LXN: variants seen among roughly 807,000 people sequenced by gnomAD.
The protein encoded by LXN is MUM.
Under a neutral mutation model 29.8 loss-of-function variants are expected in LXN, and 28 were observed. The observed-to-expected ratio is 0.94, with a 90% CI of 0.70 to 1.29. The LOEUF is 1.29. Among genes scored for constraint, LXN ranks in the 50% most tolerant of loss-of-function variants. The pLI, the probability that LXN is intolerant of heterozygous loss-of-function variation, is 0.00. For missense variants in LXN, 227 were observed against 261.7 expected (o/e 0.87, Z 0.92); for synonymous variants, 77 against 89.6 (o/e 0.86, Z 0.80).
intron 2 of LXN, among the ~76,000 whole-genome samples, chr3:158,670,356 G>A (rs1036340588): frequency 2.0e-5 from 3 of 152,192 alleles, no homozygotes; most frequent in Admixed American, 6.5e-5. Context: ...GTGAAAAATA[G>A]AATGAGAAAA....
chr3:158,669,320 C>CA lies in LXN; in HGVS notation c.370+112dup, dbSNP rs565350198. 6.4e-6 allele frequency: 8 copies of CA among 1,251,084 alleles called. No individual in the cohort carries two copies. In the South Asian group the frequency reaches 1.2e-4, roughly 19 times the overall value. 77.5% of individuals were successfully genotyped at this position (1,251,084 alleles called of 1,614,324 possible). On this transcript the variant is annotated intron_variant, in intron 3 of 5. Coordinates refer to ENST00000264265, the MANE Select transcript of LXN (RefSeq NM_020169.4). ...ATTGGATTAGAAATGAGTATTTTTGCAAAAGCCTGTAAGTTTCTAACATAC... is the reference window on the plus strand; with the variant it reads ...ATTGGATTAGAAATGAGTATTTTTGCAAAAAGCCTGTAAGTTTCTAACATAC...
rs1174937066 is a variant in LXN, at chr3:158,672,386, C to T, written c.93G>A (p.Val31=). The change falls in exon 1 of 6, where the codon GTG becomes GTA. Residue 31 remains valine (V), a synonymous_variant. Transcript: ENST00000264265. ...CTTGTTTGACCTTCTGCACCTCAAA[C>T]ACCCTGTGCGGGGTCCCCTGCTGGT... ...INYQQGTPHR[V]FEVQKVKQAS... is the part of the protein sequence containing the mutation. The T allele has an allele frequency of 1.2e-6, 2 of 1,614,104 alleles. No individual in the cohort carries two copies. Among genetic ancestry groups the T allele is most frequent in the African/African-American group, 1.3e-5 (1 of 75,058 alleles).
intron 1 of LXN, 67 bp from the exon 2 acceptor site, chr3:158,671,086 A>G: frequency 7.2e-7 from 1 of 1,383,426 alleles, no homozygotes; most frequent in Non-Finnish European, 9.5e-7. Flanking sequence ...CATTGTTAGA[A>G]GTATGCATCT....
At chr3:158,666,871 A>C in intron 5 of LXN, 127 bp from the exon 6 acceptor site, 1 of 1,440,306 alleles carries the variant, frequency 6.9e-7, no homozygotes, top group Non-Finnish European at 9.4e-7. Context: ...AAATTGCTGC[A>C]ATTATAATAT....
chr3:158,666,968 T>A (rs1057446374), intron 5 of LXN, 44 bp downstream of exon 5: 2 of 1,570,426 alleles, frequency 1.3e-6, no homozygotes, highest in African/African-American at 1.4e-5. Flanking sequence ...ACAAGGAGTC[T>A]CAGTTTTCAG....
In LXN at chr3:158,672,564, G is replaced by A. The variant is rs1176888785; in HGVS notation, c.-86C>T. The A allele has an allele frequency of 1.5e-5, 24 of 1,554,188 alleles. No individual in the cohort carries two copies. Among genetic ancestry groups the A allele is most frequent in the Non-Finnish European group, 1.8e-5 (21 of 1,141,182 alleles). Reference sequence around the variant, plus strand: ...GCGCCGCCCGTCCTGCTTGCTGCTGGGTCCGGTTGCCGAGGCGGAAAAGTC... The same window carrying A: ...GCGCCGCCCGTCCTGCTTGCTGCTGAGTCCGGTTGCCGAGGCGGAAAAGTC... On this transcript the variant is annotated 5_prime_UTR_variant, in exon 1 of 6. Transcript: ENST00000264265.
rs1203852501 is a variant in LXN at position 158,668,890 on chromosome 3, A to G, written c.507+106T>C. ...TCCCCTTTGAAATCCCAGGTTTGCT[A>G]TTAAATACAAAATGACTATAGGAAT... On this transcript the variant is annotated intron_variant, in intron 4 of 5. Transcript: ENST00000264265. 6 of 1,024,044 alleles carry G rather than the reference A, an allele frequency of 5.9e-6. No individual in the cohort carries two copies. In the East Asian group the frequency reaches 1.6e-4, roughly 28 times the overall value. The allele number at this position is 1,024,044 out of a possible 1,614,324, so 63.4% of individuals were successfully genotyped here. A position where few individuals can be genotyped will look rare whatever the true frequency, so the allele number is the denominator to read the frequency against.
chr3:158,669,084 G>T lies in LXN; in HGVS notation c.419C>A (p.Ala140Asp). Reference protein sequence around the residue: ...SPEMTLVLHLAWVACGYIIWQ... With the variant: ...SPEMTLVLHLDWVACGYIIWQ... Reference sequence around the variant, plus strand: ...TATTATATAACCACAGGCAACCCAGGCTAAATGTAGAACGAGCGTCATTTC... The same window carrying T: ...TATTATATAACCACAGGCAACCCAGTCTAAATGTAGAACGAGCGTCATTTC... The change falls in exon 4 of 6, where the codon GCC (alanine) becomes GAC (aspartate). Residue 140 changes from alanine to aspartate, a missense_variant. By Grantham distance (126) the Ala-to-Asp change is moderately radical. Transcript: ENST00000264265. 6.2e-7 allele frequency: 1 copy of T among 1,613,562 alleles called. No individual in the cohort carries two copies. Among genetic ancestry groups the T allele is most frequent in the Non-Finnish European group, 8.5e-7 (1 of 1,179,748 alleles).
intron 2 of LXN, 105 bp from the exon 3 acceptor site, chr3:158,669,715 T>C (rs548229537): frequency 1.8e-6 from 2 of 1,081,282 alleles, no homozygotes; most frequent in Non-Finnish European, 2.7e-6. Flanking sequence ...GGTGTTGTTT[T>C]AGACTAGACT....
chr3:158,668,591 C>T (rs1011016279), intron 4 of LXN, among the ~76,000 whole-genome samples: 4 of 152,156 alleles, frequency 2.6e-5, no homozygotes, highest in African/African-American at 4.8e-5. Flanking sequence ...CTATGATTAC[C>T]GTGATGCTTT....
chr3:158,670,112 T>C (rs962370893), intron 2 of LXN, among the ~76,000 whole-genome samples: 3 of 152,236 alleles, frequency 2.0e-5, no homozygotes, highest in African/African-American at 7.2e-5. Flanking sequence ...TTTTAATGAA[T>C]CTCTTTATGA....
At chr3:158,671,253 A>T (rs1318417135) in intron 1 of LXN, among the ~76,000 whole-genome samples, 4 of 152,254 alleles carry the variant, frequency 2.6e-5, no homozygotes, top group Admixed American at 6.5e-5. Flanking sequence ...CAAATTGGGC[A>T]CAATTCACTT....
intron 2 of LXN, among the ~76,000 whole-genome samples, chr3:158,669,863 CTTTCAGTATA>C (rs1724107062): frequency 6.6e-6 from 1 of 152,112 alleles, no homozygotes; most frequent in South Asian, 2.1e-4. Context: ...AGTCTTAAAA[CTTTCAGTATA>C]TTTCAGTATT....
chr3:158,669,268 A>C, intron 3 of LXN, 136 bp from the exon 4 acceptor site: 1 of 1,224,302 alleles, frequency 8.2e-7, no homozygotes, highest in South Asian at 1.5e-5. Flanking sequence ...TGGATCTATA[A>C]AATTTCTGAG....
At position 158,669,583 on chromosome 3, in the gene LXN, C is replaced by T. The variant is rs1576763565; in HGVS notation, c.220G>A (p.Val74Ile). 2 of 1,613,852 alleles carry T rather than the reference C, an allele frequency of 1.2e-6. No individual in the cohort carries two copies. The highest frequency in any genetic ancestry group is 1.7e-6 in the Non-Finnish European group (2 of 1,179,944). The change falls in exon 3 of 6, where the codon GTA becomes ATA. Residue 74 changes from valine to isoleucine, a missense_variant. Coordinates refer to ENST00000264265, the MANE Select transcript of LXN (RefSeq NM_020169.4). ...KQVKVNCTAE[V>I]LYPSTGQETA... ...TCTTGTCCCGTTGAAGGGTAAAGTACTTCAGCTGTGCAGTTCACCTTAACT... is the reference window on the plus strand; with the variant it reads ...TCTTGTCCCGTTGAAGGGTAAAGTATTTCAGCTGTGCAGTTCACCTTAACT...
At chr3:158,671,274 A>G (rs747448001) in intron 1 of LXN, among the ~76,000 whole-genome samples, 27 of 152,236 alleles carry the variant, frequency 1.8e-4, no homozygotes, top group Non-Finnish European at 3.8e-4. Flanking sequence ...TCAATCATCA[A>G]AAGACTTTAT....
Position 158,666,814 on chromosome 3 carries a change from G to A in LXN, c.571-70C>T, listed in dbSNP as rs1723739169. On this transcript the variant is annotated intron_variant, in intron 5 of 5. Coordinates refer to ENST00000264265, the MANE Select transcript of LXN (RefSeq NM_020169.4). ...TTTAGGAAAACGTAGTTGGGTTTAT[G>A]TTTTGTTAGAGATAAAACAGTCTTC... 7 of 1,497,660 alleles carry A rather than the reference G, an allele frequency of 4.7e-6. No individual in the cohort carries two copies. In the Admixed American group the frequency reaches 1.2e-4, roughly 27 times the overall value. 92.8% of individuals were successfully genotyped at this position (1,497,660 alleles called of 1,614,324 possible).
At chr3:158,669,172 T>C in intron 3 of LXN, 40 bp from the exon 4 acceptor site, 1 of 1,528,822 alleles carries the variant, frequency 6.5e-7, no homozygotes, top group Non-Finnish European at 8.9e-7. Context: ...ATATATATAG[T>C]ATTAACCTTT....
At chr3:158,669,975 C>T (rs192119438) in intron 2 of LXN, among the ~76,000 whole-genome samples, 2 of 152,286 alleles carry the variant, frequency 1.3e-5, no homozygotes, top group East Asian at 3.9e-4. Flanking sequence ...ATTACTCTTA[C>T]TCTTTGCTCC....
Sources: allele counts gnomAD v4.1 joint callset (sites outside exome capture counted in the v4.1 genomes callset), GRCh38; gene constraint gnomAD v4.1.1; transcripts MANE v1.5; gene names NCBI Gene and HGNC (gene_info 2026-07-23, HGNC 2026-07-21).